The following EFCAB10 variants were observed in gnomAD, a reference collection of about 807,000 sequenced individuals.
EFCAB10 encodes the protein EF-hand calcium-binding domain-containing protein 10.
In EFCAB10, 7 loss-of-function variants were observed where a neutral mutation model predicts 7.7. That is an observed-to-expected ratio of 0.91 (90% CI 0.52 to 1.72). The LOEUF (loss-of-function observed/expected upper bound fraction) is 1.72. EFCAB10 is among the 40% of genes most tolerant of loss of function. The pLI is 0.00. For missense variants in EFCAB10, 112 were observed against 61.5 expected (o/e 1.82, Z -2.74); for synonymous variants, 52 against 21.0 (o/e 2.47, Z -4.03).
chr7:105,566,366 A>G (rs935059142), intron 4 of EFCAB10: 3 of 152,194 alleles, frequency 2.0e-5, no homozygotes, highest in African/African-American at 7.2e-5. Context: ...TTGTTGATCT[A>G]AAATTTATAG....
chr7:105,580,678 T>C (rs1586296049), intron 1 of EFCAB10, among the ~76,000 whole-genome samples: 1 of 152,140 alleles, frequency 6.6e-6, no homozygotes, highest in African/African-American at 2.4e-5. Context: ...TCCACTTCCT[T>C]ACACAGAAGC....
In EFCAB10 at chr7:105,581,377, G is replaced by C. The variant is rs1221901149; in HGVS notation, c.87C>G (p.Ala29=). The change falls in exon 1 of 5, where the codon GCC becomes GCG. Residue 29 remains alanine, a synonymous_variant. Transcript: ENST00000480514. Reference sequence around the variant, plus strand: ...CCTTACCCGGCCGAAAGAAAAGGAGGGCGCTGGTGAGGTAGCTAACCACCT... The same window carrying C: ...CCTTACCCGGCCGAAAGAAAAGGAGCGCGCTGGTGAGGTAGCTAACCACCT... ...IKEVVSYLTS[A]LLFFRPEKPK... The C allele has an allele frequency of 1.4e-6, 1 of 702,950 alleles. No individual in the cohort carries two copies. The highest frequency in any genetic ancestry group is 1.5e-5 in the South Asian group (1 of 67,596). 43.5% of individuals were successfully genotyped at this position (702,950 alleles called of 1,614,324 possible).
intron 3 of EFCAB10, chr7:105,567,826 T>A: frequency 4.0e-6 from 1 of 246,928 alleles, no homozygotes. Flanking sequence ...GAGGCAGGAG[T>A]GCGAAAACAT....
Position 105,565,339 on chromosome 7 carries a change from C to T in EFCAB10, c.*108G>A, listed in dbSNP as rs778220756. Reference sequence around the variant, plus strand: ...ATGTCCCTGTCCAGTTCGGCTTGCCCGTTGCTGCTGACGTTACGAGACCAT... The same window carrying T: ...ATGTCCCTGTCCAGTTCGGCTTGCCTGTTGCTGCTGACGTTACGAGACCAT... On this transcript the variant is annotated 3_prime_UTR_variant, in exon 5 of 5. Coordinates refer to ENST00000480514, the MANE Select transcript of EFCAB10 (RefSeq NM_001355526.2). 17 of 1,614,070 alleles carry T rather than the reference C, an allele frequency of 1.1e-5. No homozygotes were observed. The highest frequency in any genetic ancestry group is 5.0e-5 in the Admixed American group (3 of 59,990).
At chr7:105,567,519 A>C (rs781641468) in intron 3 of EFCAB10, 29 bp from the exon 4 acceptor site, 6 of 689,114 alleles carry the variant, frequency 8.7e-6, no homozygotes, top group African/African-American at 3.6e-5. Flanking sequence ...AAAACGAAAC[A>C]ATGAAAACTC....
chr7:105,570,254 T>A (rs1437922560), intron 1 of EFCAB10, among the ~76,000 whole-genome samples: 12 of 91,922 alleles, frequency 1.3e-4, no homozygotes, highest in East Asian at 2.9e-4. Flanking sequence ...TATATATATA[T>A]ATATATATAT....
intron 1 of EFCAB10, among the ~76,000 whole-genome samples, chr7:105,570,314 T>A (rs1445099792): frequency 1.5e-5 from 2 of 132,666 alleles, no homozygotes; most frequent in Non-Finnish European, 3.2e-5. Context: ...CACATATATA[T>A]AAATATAATA....
rs1791879992 is a variant in EFCAB10 at position 105,569,459 on chromosome 7, C to G, written c.219G>C (p.Glu73Asp). 1.4e-6 allele frequency: 1 copy of G among 703,144 alleles called. No homozygotes were observed. Among genetic ancestry groups the G allele is most frequent in the Admixed American group, 2.0e-5 (1 of 50,002 alleles). The allele number at this position is 703,144 out of a possible 1,614,324, so 43.6% of individuals were successfully genotyped here. The change falls in exon 2 of 5, where the codon GAG becomes GAC. Residue 73 changes from glutamate (E) to aspartate (D), a missense_variant. Coordinates refer to ENST00000480514, the MANE Select transcript of EFCAB10 (RefSeq NM_001355526.2). ...MDNSNIVAMFEMMDSSGRGTI... is the reference protein window; with the variant it reads ...MDNSNIVAMFDMMDSSGRGTI... ...TGCCTCTGCCTGAGGAGTCCATCATCTCAAACATAGCCACAATGTTAGAGT... is the reference window on the plus strand; with the variant it reads ...TGCCTCTGCCTGAGGAGTCCATCATGTCAAACATAGCCACAATGTTAGAGT...
Position 105,567,222 on chromosome 7 carries a change from T to G in EFCAB10, c.383+245A>C. ...AGGGCAGCTTCCTGCCACAGCAGCA[T>G]TAAATGAAGTTGGAATTTACAAACT... On this transcript the variant is annotated intron_variant, in intron 4 of 4. Coordinates refer to ENST00000480514, the MANE Select transcript of EFCAB10 (RefSeq NM_001355526.2). 2 of 1,613,542 alleles carry G rather than the reference T, an allele frequency of 1.2e-6. No homozygotes were observed. The highest frequency in any genetic ancestry group is 1.7e-6 in the Non-Finnish European group (2 of 1,179,818).
chr7:105,568,953 GAAAAAAA>G (rs55730992), intron 3 of EFCAB10, among the ~76,000 whole-genome samples: 1 of 121,776 alleles, frequency 8.2e-6, no homozygotes, highest in Non-Finnish European at 1.7e-5. Flanking sequence ...CCATCTCAGG[GAAAAAAA>G]AAAAAAAAAA....
chr7:105,581,485 T>C lies in EFCAB10; in HGVS notation c.-22A>G, dbSNP rs1177456709. 2 of 702,914 alleles carry C rather than the reference T, an allele frequency of 2.8e-6. No homozygotes were observed. Among genetic ancestry groups the C allele is most frequent in the East Asian group, 2.7e-5 (1 of 37,276 alleles). 43.5% of individuals were successfully genotyped at this position (702,914 alleles called of 1,614,324 possible). ...CCATCGCTCCGCGTCCCGCTGTTGCTAGGCGACTGCCTGGCGTCTCAGCCG... is the reference window on the plus strand; with the variant it reads ...CCATCGCTCCGCGTCCCGCTGTTGCCAGGCGACTGCCTGGCGTCTCAGCCG... On this transcript the variant is annotated 5_prime_UTR_variant, in exon 1 of 5. Coordinates refer to ENST00000480514, the MANE Select transcript of EFCAB10 (RefSeq NM_001355526.2).
At chr7:105,570,396 A>C (rs1223800171) in intron 1 of EFCAB10, among the ~76,000 whole-genome samples, 1 of 150,740 alleles carries the variant, frequency 6.6e-6, no homozygotes, top group Non-Finnish European at 1.5e-5. Context: ...ATTTGGATAA[A>C]TATTCTGTAG....
At chr7:105,567,181 T>TA in intron 4 of EFCAB10, 2 of 1,610,990 alleles carry the variant, frequency 1.2e-6, no homozygotes, top group Non-Finnish European at 1.7e-6. Context: ...CTGAAAGATG[T>TA]ACTGCAGTCA....
At chr7:105,567,334 T>C (rs773233825) in intron 4 of EFCAB10, 133 bp downstream of exon 4, 62 of 1,527,574 alleles carry the variant, frequency 4.1e-5, no homozygotes, top group Non-Finnish European at 5.3e-5. Flanking sequence ...AAAGGTTTCT[T>C]TGGTTTTTGT....
rs773918239 is a variant in EFCAB10, at chr7:105,569,510, G to A, written c.168C>T (p.Gly56=). 5.1e-5 allele frequency: 36 copies of A among 702,622 alleles called. No individual in the cohort carries two copies. Among genetic ancestry groups the A allele is most frequent in the African/African-American group, 1.0e-4 (6 of 57,228 alleles). The allele number at this position is 702,622 out of a possible 1,614,324, so 43.5% of individuals were successfully genotyped here. Residue 56 remains glycine (G), a synonymous_variant, in exon 2 of 5, where the codon GGC becomes GGT. Transcript: ENST00000480514. ...TATCCATAAAGAAAGGAAACGCCAC[G>A]CCTGTTACTTTTGCAATTCTCAGTC... is the stretch of plus-strand genomic sequence containing the variant. The part of the protein sequence containing the change: ...LERLRIAKVT[G]VAFPFFMDNS...
At chr7:105,565,480 T>TG in intron 4 of EFCAB10, 33 bp from the exon 5 acceptor site, 1 of 1,610,946 alleles carries the variant, frequency 6.2e-7, no homozygotes, top group Non-Finnish European at 8.5e-7. Flanking sequence ...AGACTGTTTT[T>TG]GGGCTGTGAT....
Position 105,565,230 on chromosome 7 carries a change from A to G in EFCAB10, c.*217T>C. The G allele has an allele frequency of 6.5e-7, 1 of 1,538,096 alleles. No homozygotes were observed. Among genetic ancestry groups the G allele is most frequent in the Non-Finnish European group, 8.8e-7 (1 of 1,135,810 alleles). On this transcript the variant is annotated 3_prime_UTR_variant, in exon 5 of 5. Coordinates refer to ENST00000480514, the MANE Select transcript of EFCAB10 (RefSeq NM_001355526.2). ...ATTTAAAATGATTTAAAAACTTGAA[A>G]AATAGAAACTGATGAAAATTTTTTG...
intron 1 of EFCAB10, chr7:105,573,130 A>C (rs920579373): frequency 1.3e-5 from 2 of 151,900 alleles, no homozygotes; most frequent in South Asian, 4.1e-4. Flanking sequence ...ATGTTTTTAA[A>C]TCTTTTAATT....
chr7:105,580,202 G>T (rs1207771997), intron 1 of EFCAB10, among the ~76,000 whole-genome samples: 1 of 151,936 alleles, frequency 6.6e-6, no homozygotes, highest in Non-Finnish European at 1.5e-5. Context: ...GCCCAGGCTG[G>T]TCTATGAACT....
Sources: gnomAD v4.1 joint callset for allele counts (sites outside exome capture counted in the v4.1 genomes callset) on GRCh38, gnomAD v4.1.1 for gene constraint, MANE v1.5 for transcripts, NCBI Gene and HGNC (gene_info 2026-07-23, HGNC 2026-07-21) for gene names.